PCDHA3: variants seen among roughly 807,000 people sequenced by gnomAD.
PCDHA3 encodes the protein protocadherin alpha 3, also known as protocadherin alpha-3.
A neutral mutation model predicts 62.2 loss-of-function variants in PCDHA3; 41 were observed. The observed-to-expected ratio is 0.66, with a 90% CI of 0.51 to 0.86. The LOEUF is 0.86. Ranked by LOEUF, PCDHA3 falls within the 40% of genes least tolerant of loss-of-function variation. The pLI, the probability that PCDHA3 is intolerant of heterozygous loss-of-function variation, is 0.00. For synonymous variants in PCDHA3, 640 were observed against 555.4 expected (o/e 1.15, Z -2.14); for missense variants, 1,304 against 1,241.2 (o/e 1.05, Z -0.76).
chr5:140,834,687 T>C, intron 1 of PCDHA3: 2 of 1,614,150 alleles, frequency 1.2e-6, no homozygotes, highest in Non-Finnish European at 1.7e-6. Flanking sequence ...GAGCGCGGAG[T>C]GCAGCATCCA....
At chr5:140,864,365 AT>A (rs1190318637) in intron 1 of PCDHA3, 4 of 152,220 alleles carry the variant, frequency 2.6e-5, no homozygotes, top group Non-Finnish European at 5.9e-5. Flanking sequence ...TTATCTTTCT[AT>A]AATCGATAAG....
At chr5:140,845,354 C>A (rs2150378670) in intron 1 of PCDHA3, among the ~76,000 whole-genome samples, 4 of 149,532 alleles carry the variant, frequency 2.7e-5, no homozygotes, top group Non-Finnish European at 6.0e-5. Context: ...ATTTAATTGA[C>A]TTTTACAAAA....
intron 1 of PCDHA3, among the ~76,000 whole-genome samples, chr5:140,947,890 G>A (rs1233922642): frequency 1.3e-5 from 2 of 151,506 alleles, no homozygotes; most frequent in African/African-American, 4.8e-5. Context: ...AATATAAACA[G>A]AAGTGGTGAG....
At chr5:140,992,517 G>C (rs78765218) in intron 3 of PCDHA3, among the ~76,000 whole-genome samples, 388 of 152,300 alleles carry the variant, frequency 2.5e-3, no homozygotes, top group African/African-American at 8.8e-3. Flanking sequence ...GGGCATGGTA[G>C]CTAATGGAAA....
At chr5:140,993,437 C>A (rs1193523462) in intron 3 of PCDHA3, among the ~76,000 whole-genome samples, 1 of 150,056 alleles carries the variant, frequency 6.7e-6, no homozygotes, top group Non-Finnish European at 1.5e-5. Context: ...AATCCTTATT[C>A]ATTCCTGTTC....
intron 1 of PCDHA3, chr5:140,966,731 G>A: frequency 7.1e-7 from 1 of 1,405,136 alleles, no homozygotes; most frequent in Non-Finnish European, 9.2e-7. Context: ...TGCCGCCTCC[G>A]GCCCTGCCCG....
chr5:140,887,153 G>C (rs950456487), intron 1 of PCDHA3, among the ~76,000 whole-genome samples: 1 of 151,288 alleles, frequency 6.6e-6, no homozygotes, highest in South Asian at 2.1e-4. Flanking sequence ...CTGGAGTACA[G>C]TGGCGTGATC....
chr5:140,867,681 A>G (rs759356211), intron 1 of PCDHA3: 2 of 152,096 alleles, frequency 1.3e-5, no homozygotes, highest in African/African-American at 2.4e-5. Flanking sequence ...ATTTTGTTGC[A>G]TCTTCTTTTT....
intron 1 of PCDHA3, among the ~76,000 whole-genome samples, chr5:140,894,725 G>A (rs3776121): frequency 0.31 from 47,403 of 151,506 alleles, 8,352 homozygotes; most frequent in East Asian, 0.53. Context: ...CAAATATTAC[G>A]TAGCAATTTG....
intron 1 of PCDHA3, chr5:140,968,024 A>C: frequency 1.2e-6 from 2 of 1,614,178 alleles, no homozygotes; most frequent in Non-Finnish European, 1.7e-6. Flanking sequence ...AAACTCCTAT[A>C]CACTGGTGGT....
At chr5:140,894,658 G>A (rs962936177) in intron 1 of PCDHA3, among the ~76,000 whole-genome samples, 4 of 151,172 alleles carry the variant, frequency 2.6e-5, no homozygotes, top group Non-Finnish European at 5.9e-5. Flanking sequence ...CTCTAATTCT[G>A]ATTTGTGTAT....
intron 1 of PCDHA3, chr5:140,875,192 C>T (rs2055339316): frequency 2.0e-6 from 1 of 509,102 alleles, no homozygotes. Flanking sequence ...AAGAGTGACC[C>T]AGGAAGTGGC....
At chr5:140,843,834 GT>G in intron 1 of PCDHA3, 2 of 1,102,918 alleles carry the variant, frequency 1.8e-6, no homozygotes, top group Non-Finnish European at 2.6e-6. Flanking sequence ...ACATTGTTTA[GT>G]TTTTAGAAAC....
chr5:140,805,480 G>A, intron 1 of PCDHA3: 1 of 996,600 alleles, frequency 1.0e-6, no homozygotes, highest in Non-Finnish European at 1.2e-6. Context: ...CAATAGAGAG[G>A]GAGCGTAAAG....
chr5:140,865,412 A>C (rs1347341740), intron 1 of PCDHA3: 2 of 152,242 alleles, frequency 1.3e-5, no homozygotes, highest in Non-Finnish European at 2.9e-5. Context: ...AAAAGGAATT[A>C]GTAGTGTCTA....
At chr5:140,843,653 C>G in intron 1 of PCDHA3, 1 of 1,595,020 alleles carries the variant, frequency 6.3e-7, no homozygotes, top group Non-Finnish European at 8.6e-7. Context: ...CTGCCTTCCT[C>G]CTGATCTGGG....
At chr5:140,823,932 G>C (rs2150130492) in intron 1 of PCDHA3, 1 of 1,613,980 alleles carries the variant, frequency 6.2e-7, no homozygotes. Flanking sequence ...TGTACACCGC[G>C]CTGCGGTGCT....
intron 3 of PCDHA3, among the ~76,000 whole-genome samples, chr5:140,994,545 A>T (rs1397619431): frequency 2.6e-5 from 4 of 152,074 alleles, no homozygotes; most frequent in African/African-American, 9.7e-5. Flanking sequence ...TCTACAAAAA[A>T]AATATAAAAA....
chr5:140,987,536 A>G (rs555442118), intron 3 of PCDHA3, among the ~76,000 whole-genome samples: 126 of 152,290 alleles, frequency 8.3e-4, no homozygotes, highest in Non-Finnish European at 1.6e-3. Context: ...TCCTGGGACC[A>G]TTACTTAACT....
Sources: gnomAD v4.1 joint callset for allele counts (sites outside exome capture counted in the v4.1 genomes callset) on GRCh38, gnomAD v4.1.1 for gene constraint, MANE v1.5 for transcripts, NCBI Gene and HGNC (gene_info 2026-07-23, HGNC 2026-07-21) for gene names.